Variants in EXT1 observed in about 807,000 individuals in gnomAD.
The protein encoded by EXT1 is exostosin-1.
A neutral mutation model predicts 82.5 loss-of-function variants in EXT1; 20 were observed. The observed-to-expected ratio is 0.24, with a 90% confidence interval of 0.17 to 0.35. EXT1 has a LOEUF of 0.35. Ranked by LOEUF, EXT1 falls within the 10% of genes least tolerant of loss-of-function variation. EXT1 has a pLI of 1.00. For synonymous variants in EXT1, 348 were observed against 350.8 expected (o/e 0.99, Z 0.09); for missense variants, 757 against 936.5 (o/e 0.81, Z 2.50).
Position 117,987,508 on chromosome 8 carries a change from A to G in EXT1, c.962+122577T>C, listed in dbSNP as rs144416699. ...TGGCTCACAGCCTAGCACAGCAGGT[A>G]AAAGTTTACGAGAAGAGCATGGCTG... On this transcript the variant is annotated intron_variant, in intron 1 of 10. Coordinates refer to ENST00000378204, the MANE Select transcript of EXT1 (RefSeq NM_000127.3). Among the ~76,000 whole-genome samples the G allele has an allele frequency of 5.2e-3, 799 of 152,344 alleles. 11 individuals carry two copies. Among genetic ancestry groups the G allele is most frequent in the East Asian group, 0.041 (212 of 5,186 alleles).
At chr8:117,844,972 T>C (rs1812329776) in intron 1 of EXT1, among the ~76,000 whole-genome samples, 1 of 152,228 alleles carries the variant, frequency 6.6e-6, no homozygotes, top group Non-Finnish European at 1.5e-5. Flanking sequence ...TTTATTTCCT[T>C]GTGACGCTCC....
At chr8:117,906,092 C>T (rs1381024975) in intron 1 of EXT1, among the ~76,000 whole-genome samples, 1 of 152,186 alleles carries the variant, frequency 6.6e-6, no homozygotes, top group Non-Finnish European at 1.5e-5. Flanking sequence ...CCCTGATTTG[C>T]ATGACTCTTG....
intron 1 of EXT1, among the ~76,000 whole-genome samples, chr8:117,914,581 T>C (rs980428337): frequency 5.3e-5 from 8 of 152,080 alleles, no homozygotes; most frequent in African/African-American, 1.7e-4. Flanking sequence ...ATATTAATAT[T>C]AATGCCCTGG....
chr8:118,065,156 CCTGA>C (rs1586372739), intron 1 of EXT1, among the ~76,000 whole-genome samples: 1 of 152,060 alleles, frequency 6.6e-6, no homozygotes, highest in African/African-American at 2.4e-5. Context: ...CCTGGCCTTT[CCTGA>C]CTTTTTAGTG....
intron 1 of EXT1, among the ~76,000 whole-genome samples, chr8:117,980,698 GTTTTTTTTTTTTTTTTTTTT>G (rs1330631748): frequency 6.8e-5 from 3 of 43,830 alleles, no homozygotes; most frequent in African/African-American, 2.6e-4. Flanking sequence ...GGTGTTGGTG[GTTTTTTTTTTTTTTTTTTTT>G]TTTTTTTTTT....
chr8:118,030,540 G>A (rs563141237), intron 1 of EXT1, among the ~76,000 whole-genome samples: 1 of 152,238 alleles, frequency 6.6e-6, no homozygotes, highest in Admixed American at 6.5e-5. Flanking sequence ...GGAGTCCAGT[G>A]GCACAATCTC....
rs117643751 is a variant in EXT1, at chr8:117,967,724, C to T, written c.963-130523G>A. Among the ~76,000 whole-genome samples, 89 of 152,268 alleles carry T rather than the reference C, an allele frequency of 5.8e-4. No homozygotes were observed. In the East Asian group the frequency reaches 0.015, roughly 26 times the overall value. On this transcript the variant is annotated intron_variant, in intron 1 of 10. Coordinates refer to ENST00000378204, the MANE Select transcript of EXT1 (RefSeq NM_000127.3). ...TTGTTGCTAATAATGATTGCACTTG[C>T]CACTTATTGAGTGCTTACTCATGGA...
At chr8:117,964,327 T>C (rs938817983) in intron 1 of EXT1, among the ~76,000 whole-genome samples, 1 of 152,240 alleles carries the variant, frequency 6.6e-6, no homozygotes, top group Non-Finnish European at 1.5e-5. Flanking sequence ...GAGTACTGCA[T>C]GTACAGCAAA....
intron 1 of EXT1, among the ~76,000 whole-genome samples, chr8:118,078,061 T>A (rs889133662): frequency 6.6e-6 from 1 of 152,222 alleles, no homozygotes; most frequent in Non-Finnish European, 1.5e-5. Flanking sequence ...TTGGCCATTT[T>A]TTAAAACAAA....
intron 1 of EXT1, among the ~76,000 whole-genome samples, chr8:117,877,614 A>G (rs1468866387): frequency 6.6e-6 from 1 of 152,192 alleles, no homozygotes; most frequent in Admixed American, 6.5e-5. Context: ...ATTTTACAGT[A>G]ATGCTACTTA....
chr8:117,991,872 T>G (rs1192382053), intron 1 of EXT1, among the ~76,000 whole-genome samples: 3 of 152,188 alleles, frequency 2.0e-5, no homozygotes, highest in Non-Finnish European at 4.4e-5. Context: ...TCCAAATATC[T>G]TTTTAAGACT....
chr8:118,015,738 C>T (rs989511167), intron 1 of EXT1, among the ~76,000 whole-genome samples: 1 of 152,194 alleles, frequency 6.6e-6, no homozygotes, highest in African/African-American at 2.4e-5. Flanking sequence ...ACCCCAGCAC[C>T]TCAGCATATG....
intron 7 of EXT1, among the ~76,000 whole-genome samples, chr8:117,817,786 G>C (rs1434956867): frequency 6.6e-6 from 1 of 152,204 alleles, no homozygotes; most frequent in Non-Finnish European, 1.5e-5. Context: ...AGGCTGGCTA[G>C]GGCCAGGTTA....
At chr8:117,936,175 T>C (rs1454999777) in intron 1 of EXT1, among the ~76,000 whole-genome samples, 1 of 152,190 alleles carries the variant, frequency 6.6e-6, no homozygotes, top group South Asian at 2.1e-4. Flanking sequence ...TCCATATCCA[T>C]GTTCTCCTCA....
rs186829498 is a variant in EXT1, at chr8:117,797,286, G to A, written c.*2426C>T. The A allele has an allele frequency of 2.6e-5, 4 of 152,370 alleles. No individual in the cohort carries two copies. Among genetic ancestry groups the A allele is most frequent in the Admixed American group, 1.3e-4 (2 of 15,310 alleles). The allele number at this position is 152,370 out of a possible 1,614,324, so 9.4% of individuals were successfully genotyped here. ...CTCACATCCCAAAGAGATTTGCTCA[G>A]AGAATGACATAAAATGAAACTGTGG... On this transcript the variant is annotated 3_prime_UTR_variant, in exon 11 of 11. Coordinates refer to ENST00000378204, the MANE Select transcript of EXT1 (RefSeq NM_000127.3).
intron 1 of EXT1, among the ~76,000 whole-genome samples, chr8:118,017,910 T>A (rs561848344): frequency 6.6e-6 from 1 of 152,180 alleles, no homozygotes; most frequent in Non-Finnish European, 1.5e-5. Flanking sequence ...ACAAAAGGAA[T>A]GAGCTCTTGC....
intron 1 of EXT1, among the ~76,000 whole-genome samples, chr8:117,983,450 C>T (rs1304430508): frequency 6.6e-6 from 1 of 152,096 alleles, no homozygotes; most frequent in Non-Finnish European, 1.5e-5. Context: ...CACCACTGCA[C>T]TCCAGCCTGG....
At chr8:117,968,908 AC>A (rs375425794) in intron 1 of EXT1, among the ~76,000 whole-genome samples, 10 of 152,300 alleles carry the variant, frequency 6.6e-5, no homozygotes, top group Non-Finnish European at 1.0e-4. Context: ...TTGACTGTAA[AC>A]TACCTATTGT....
At chr8:117,988,765 C>A (rs1815374166) in intron 1 of EXT1, among the ~76,000 whole-genome samples, 1 of 152,110 alleles carries the variant, frequency 6.6e-6, no homozygotes, top group South Asian at 2.1e-4. Flanking sequence ...GCAACCGCTG[C>A]CTGGTAATGC....
Sources: gnomAD v4.1 joint callset for allele counts (sites outside exome capture counted in the v4.1 genomes callset) on GRCh38, gnomAD v4.1.1 for gene constraint, MANE v1.5 for transcripts, NCBI Gene and HGNC (gene_info 2026-07-23, HGNC 2026-07-21) for gene names.